Variants in TMOD2 observed in about 807,000 individuals in gnomAD.
TMOD2 encodes the protein tropomodulin 2.
Under a neutral mutation model 39.9 loss-of-function variants are expected in TMOD2, and 22 were observed. That is an observed-to-expected ratio of 0.55 (90% CI 0.39 to 0.79). The LOEUF (loss-of-function observed/expected upper bound fraction) is 0.79, where lower values mean the gene tolerates loss of function less well. TMOD2 is among the 30% of genes least tolerant of loss of function. The pLI, the probability that TMOD2 is intolerant of heterozygous loss-of-function variation, is 0.00. For synonymous variants in TMOD2, 123 were observed against 146.1 expected (o/e 0.84, Z 1.14); for missense variants, 386 against 413.3 (o/e 0.93, Z 0.57).
Position 51,809,627 on chromosome 15 carries a change from T to TG in TMOD2, c.*1174dup, listed in dbSNP as rs1000742331. ...GTGCTAAACTAATGAAGCAGGTGACTGCAGCCTTTGGCTCAAGCTCACAAC... is the reference window on the plus strand; with the variant it reads ...GTGCTAAACTAATGAAGCAGGTGACTGGCAGCCTTTGGCTCAAGCTCACAAC... On this transcript the variant is annotated 3_prime_UTR_variant, in exon 10 of 10. Coordinates refer to ENST00000249700, the MANE Select transcript of TMOD2 (RefSeq NM_014548.4). The TG allele has an allele frequency of 5.9e-5, 9 of 152,254 alleles. No homozygotes were observed. Among genetic ancestry groups the TG allele is most frequent in the Admixed American group, 4.6e-4 (7 of 15,284 alleles). The allele number at this position is 152,254 out of a possible 1,614,324, so 9.4% of individuals were successfully genotyped here.
At position 51,791,715 on chromosome 15, in the gene TMOD2, A is replaced by G. The variant is rs150719783; in HGVS notation, c.733-6482A>G. On this transcript the variant is annotated intron_variant, in intron 7 of 9. Coordinates refer to ENST00000249700, the MANE Select transcript of TMOD2 (RefSeq NM_014548.4). ...GAAATAACACCACACATCTACAACC[A>G]TCTGATCTTTGACAAACCTGACACA... is the stretch of plus-strand genomic sequence containing the variant. Among the ~76,000 whole-genome samples, 262 of 152,344 alleles carry G rather than the reference A, an allele frequency of 1.7e-3. 11 individuals carry two copies. Among genetic ancestry groups the G allele is most frequent in the East Asian group, 0.017 (88 of 5,194 alleles).
At position 51,777,156 on chromosome 15, in the gene TMOD2, C is replaced by T; in HGVS notation, c.493+138C>T. ...TCACTTGGGCTTTGAGCAATCAAAC[C>T]AGAACAGAGCAGCTGACAATGAGAG... On this transcript the variant is annotated intron_variant, in intron 5 of 9. Transcript: ENST00000249700. 5 of 669,284 alleles carry T rather than the reference C, an allele frequency of 7.5e-6. No individual in the cohort carries two copies. The East Asian group carries it at 1.1e-4, about 15-fold the overall frequency. 41.5% of individuals were successfully genotyped at this position (669,284 alleles called of 1,614,324 possible).
At chr15:51,790,222 A>G (rs2056001360) in intron 7 of TMOD2, among the ~76,000 whole-genome samples, 1 of 152,250 alleles carries the variant, frequency 6.6e-6, no homozygotes, top group South Asian at 2.1e-4. Flanking sequence ...AGAATATTAT[A>G]AACACCTCTA....
intron 8 of TMOD2, among the ~76,000 whole-genome samples, chr15:51,800,398 T>C (rs893922366): frequency 1.3e-5 from 2 of 152,150 alleles, no homozygotes; most frequent in Non-Finnish European, 2.9e-5. Flanking sequence ...TACCCAGGTG[T>C]GGTGGCACAT....
intron 1 of TMOD2, among the ~76,000 whole-genome samples, chr15:51,758,150 G>A (rs1332241141): frequency 1.3e-5 from 2 of 151,954 alleles, no homozygotes; most frequent in Non-Finnish European, 2.9e-5. Flanking sequence ...TGCTCCAGGA[G>A]GATGCAAGTT....
chr15:51,815,455 A>G lies in TMOD2; in HGVS notation c.*7001A>G, dbSNP rs2056183321. On this transcript the variant is annotated 3_prime_UTR_variant, in exon 10 of 10. Transcript: ENST00000249700. Reference sequence around the variant, plus strand: ...GGGAAAAAGAGAGAAGTCAATCAAAAGTATACTGTGCAATTGAGAGAGGCT... The same window carrying G: ...GGGAAAAAGAGAGAAGTCAATCAAAGGTATACTGTGCAATTGAGAGAGGCT... The G allele has an allele frequency of 6.6e-6, 1 of 152,138 alleles. No homozygotes were observed. Among genetic ancestry groups the G allele is most frequent in the Non-Finnish European group, 1.5e-5 (1 of 68,054 alleles). 9.4% of individuals were successfully genotyped at this position (152,138 alleles called of 1,614,324 possible). A position where few individuals can be genotyped will look rare whatever the true frequency, so the allele number is the denominator to read the frequency against.
chr15:51,783,049 A>C (rs1185706535), intron 7 of TMOD2: 1 of 525,454 alleles, frequency 1.9e-6, no homozygotes, highest in African/African-American at 1.9e-5. Flanking sequence ...TTTTCAGAGA[A>C]AGAAACAAGA....
chr15:51,775,535 C>G lies in TMOD2; in HGVS notation c.407-1397C>G, dbSNP rs1366377563. Among the ~76,000 whole-genome samples the G allele has an allele frequency of 2.0e-5, 3 of 151,622 alleles. No homozygotes were observed. The East Asian group carries it at 5.8e-4, about 29-fold the overall frequency. On this transcript the variant is annotated intron_variant, in intron 4 of 9. Transcript: ENST00000249700. Reference sequence around the variant, plus strand: ...ATGGGACACCTTCTCCTTCTCCTGTCCCCTTCACAGAGACACAGTGACAAA... The same window carrying G: ...ATGGGACACCTTCTCCTTCTCCTGTGCCCTTCACAGAGACACAGTGACAAA...
intron 1 of TMOD2, among the ~76,000 whole-genome samples, chr15:51,764,158 A>G (rs2055800323): frequency 6.6e-6 from 1 of 151,954 alleles, no homozygotes; most frequent in Non-Finnish European, 1.5e-5. Context: ...GCATCGTGGC[A>G]CATGCCTGTA....
intron 8 of TMOD2, among the ~76,000 whole-genome samples, chr15:51,801,126 C>A (rs1218674228): frequency 1.3e-5 from 2 of 151,978 alleles, no homozygotes; most frequent in East Asian, 3.9e-4. Context: ...ATCACCTGAG[C>A]CCAGGAATTC....
chr15:51,789,031 G>A (rs539681962), intron 7 of TMOD2, among the ~76,000 whole-genome samples: 1 of 152,154 alleles, frequency 6.6e-6, no homozygotes, highest in African/African-American at 2.4e-5. Context: ...AATGTAAATG[G>A]GCTAAATGCC....
intron 4 of TMOD2, among the ~76,000 whole-genome samples, chr15:51,775,426 G>A (rs1461053682): frequency 6.6e-6 from 1 of 152,138 alleles, no homozygotes; most frequent in Non-Finnish European, 1.5e-5. Context: ...GGCAATGGGA[G>A]CCAAATTATA....
chr15:51,759,707 A>G (rs1309734514), intron 1 of TMOD2, among the ~76,000 whole-genome samples: 4 of 152,258 alleles, frequency 2.6e-5, no homozygotes, highest in Non-Finnish European at 5.9e-5. Context: ...AGAGAACAGC[A>G]TTCCAAGTAA....
chr15:51,766,929 A>G (rs2141617338), intron 2 of TMOD2: 1 of 162,314 alleles, frequency 6.2e-6, no homozygotes, highest in East Asian at 1.7e-4. Flanking sequence ...CTTGAGGTAA[A>G]CTTTATTAAC....
At chr15:51,790,068 G>T (rs1346879449) in intron 7 of TMOD2, among the ~76,000 whole-genome samples, 1 of 152,126 alleles carries the variant, frequency 6.6e-6, no homozygotes, top group Non-Finnish European at 1.5e-5. Flanking sequence ...AATGAATCCA[G>T]GAGCTGGTTT....
chr15:51,803,283 C>T (rs1229651106), intron 8 of TMOD2, among the ~76,000 whole-genome samples: 3 of 150,306 alleles, frequency 2.0e-5, no homozygotes, highest in African/African-American at 7.4e-5. Context: ...CAGGTTCAAG[C>T]GATTCTCCTG....
intron 4 of TMOD2, among the ~76,000 whole-genome samples, 177 bp downstream of exon 4, chr15:51,774,011 T>C (rs190367865): frequency 6.6e-6 from 1 of 152,340 alleles, no homozygotes; most frequent in East Asian, 1.9e-4. Context: ...GCAAATGTTA[T>C]TTTGCTCTAT....
rs199606366 is a variant in TMOD2 at position 51,765,052 on chromosome 15, G to T, written c.-69-1321G>T. ...GAGTCTCACTCTGTCACCCAGGCTGGAGTGCAGTGATGCCATCTCAGCACT... is the reference window on the plus strand; with the variant it reads ...GAGTCTCACTCTGTCACCCAGGCTGTAGTGCAGTGATGCCATCTCAGCACT... On this transcript the variant is annotated intron_variant, in intron 1 of 9. Transcript: ENST00000249700. 7.9e-5 allele frequency among the ~76,000 whole-genome samples: 12 copies of T among 152,106 alleles called. No individual in the cohort carries two copies. In the East Asian group the frequency reaches 2.3e-3, roughly 29 times the overall value.
intron 1 of TMOD2, among the ~76,000 whole-genome samples, chr15:51,761,987 A>C (rs1352917773): frequency 6.6e-6 from 1 of 151,666 alleles, no homozygotes; most frequent in African/African-American, 2.4e-5. Context: ...CTCTACTAAA[A>C]ATACAAAAAA....
Sources: gnomAD v4.1 joint callset for allele counts (sites outside exome capture counted in the v4.1 genomes callset) on GRCh38, gnomAD v4.1.1 for gene constraint, MANE v1.5 for transcripts, NCBI Gene and HGNC (gene_info 2026-07-23, HGNC 2026-07-21) for gene names.